Variants in SRPK1 observed in about 807,000 individuals in gnomAD.
SRPK1 encodes the protein SFRS protein kinase 1.
In SRPK1, 52 loss-of-function variants were observed where a neutral mutation model predicts 89.5. That is an observed-to-expected ratio of 0.58 (90% CI 0.46 to 0.73). SRPK1 has a LOEUF of 0.73. Ranked by LOEUF, SRPK1 falls within the 30% of genes least tolerant of loss-of-function variation. The probability of loss-of-function intolerance (pLI) is 0.00; values close to 1 mark genes in which losing one functional copy is unlikely to be tolerated. For missense variants in SRPK1, 603 were observed against 780.6 expected (o/e 0.77, Z 2.71); for synonymous variants, 255 against 270.2 (o/e 0.94, Z 0.55).
At chr6:35,850,637 G>A (rs1769532759) in intron 13 of SRPK1, among the ~76,000 whole-genome samples, 1 of 151,610 alleles carries the variant, frequency 6.6e-6, no homozygotes, top group Non-Finnish European at 1.5e-5. Context: ...AAAGATGTAC[G>A]TAAGAATTGC....
chr6:35,880,735 G>GAAAAAAAAAAAA (rs1238876364), intron 6 of SRPK1, among the ~76,000 whole-genome samples: 46 of 26,946 alleles, frequency 1.7e-3, no homozygotes, highest in Non-Finnish European at 1.9e-3. Flanking sequence ...AAAAAAAAAA[G>GAAAAAAAAAAAA]AAAAAAAAAA....
rs1769159889 is a variant in SRPK1 at position 35,835,499 on chromosome 6, G to C, written c.1784-11C>G. ...TATGTTTCAGGTCACCTGCAGTGAA[G>C]ACAGTACAGAAAAAGCCACTGATCA... is the stretch of plus-strand genomic sequence containing the variant. On this transcript the variant is annotated splice_polypyrimidine_tract_variant and intron_variant, in intron 15 of 15. Transcript: ENST00000373825. 6.2e-7 allele frequency: 1 copy of C among 1,602,970 alleles called. No individual in the cohort carries two copies.
rs374912821 is a variant in SRPK1 at position 35,855,501 on chromosome 6, C to T, written c.1620+1760G>A. Among the ~76,000 whole-genome samples the T allele has an allele frequency of 9.2e-5, 14 of 152,196 alleles. No individual in the cohort carries two copies. In the East Asian group the frequency reaches 1.7e-3, roughly 19 times the overall value. On this transcript the variant is annotated intron_variant, in intron 13 of 15. Transcript: ENST00000373825. ...TTTCTCAAGTTTTTCCCAGAGTTGCCTGTGAATATTAAATGTTACTTGAAA... is the reference window on the plus strand; with the variant it reads ...TTTCTCAAGTTTTTCCCAGAGTTGCTTGTGAATATTAAATGTTACTTGAAA...
In SRPK1 at chr6:35,869,700, A is replaced by T; in HGVS notation, c.1193T>A (p.Leu398Gln). ...GCTGCTGTCTCCATTTTGGGAGCTTAGGAAACTAGATTCCTGATTCAAATT... is the reference window on the plus strand; with the variant it reads ...GCTGCTGTCTCCATTTTGGGAGCTTTGGAAACTAGATTCCTGATTCAAATT... ...VQNLNQESSF[L>Q]SSQNGDSSTS... The change falls in exon 11 of 16, where the codon CTA becomes CAA. Residue 398 changes from leucine (L) to glutamine (Q), a missense_variant. Coordinates refer to ENST00000373825, the MANE Select transcript of SRPK1 (RefSeq NM_003137.5). The T allele has an allele frequency of 6.2e-7, 1 of 1,613,872 alleles. No individual in the cohort carries two copies. Among genetic ancestry groups the T allele is most frequent in the South Asian group, 1.1e-5 (1 of 91,080 alleles).
intron 14 of SRPK1, among the ~76,000 whole-genome samples, chr6:35,841,553 G>A (rs1303203734): frequency 2.0e-5 from 3 of 151,988 alleles, no homozygotes; most frequent in African/African-American, 7.3e-5. Flanking sequence ...CATTTTCTTG[G>A]CTGAGCGTGA....
In SRPK1 at chr6:35,917,152, A is replaced by C. The variant is rs369876319; in HGVS notation, c.74+3316T>G. Among the ~76,000 whole-genome samples the C allele has an allele frequency of 8.3e-4, 127 of 152,316 alleles. 2 individuals are homozygous for C. The South Asian group carries it at 0.017, about 21-fold the overall frequency. On this transcript the variant is annotated intron_variant, in intron 2 of 15. Coordinates refer to ENST00000373825, the MANE Select transcript of SRPK1 (RefSeq NM_003137.5). Reference sequence around the variant, plus strand: ...AATAAAGGCTCACAGCTATTGGTATAAACACTGAAAACAAATGTTCAGAGG... The same window carrying C: ...AATAAAGGCTCACAGCTATTGGTATCAACACTGAAAACAAATGTTCAGAGG...
At chr6:35,888,720 A>G (rs1409630274) in intron 4 of SRPK1, 95 bp downstream of exon 4, 1 of 801,866 alleles carries the variant, frequency 1.2e-6, no homozygotes. Flanking sequence ...GAATCAGGCT[A>G]GAGATAGATT....
Position 35,906,513 on chromosome 6 carries a change from T to C in SRPK1, c.74+13955A>G, listed in dbSNP as rs1770851311. Among the ~76,000 whole-genome samples the C allele has an allele frequency of 3.3e-5, 5 of 152,296 alleles. No individual in the cohort carries two copies. The South Asian group carries it at 8.3e-4, about 25-fold the overall frequency. ...GTGCTGAGATTACAGATGTGAGCCA[T>C]GCACGAATATTAAAAACATTAAGTA... On this transcript the variant is annotated intron_variant, in intron 2 of 15. Transcript: ENST00000373825.
At chr6:35,857,176 G>T in intron 13 of SRPK1, 85 bp downstream of exon 13, 1 of 946,118 alleles carries the variant, frequency 1.1e-6, no homozygotes, top group Non-Finnish European at 1.7e-6. Flanking sequence ...TTTTCTGCTA[G>T]TTAATTTGCT....
At chr6:35,903,540 C>G (rs1445179852) in intron 2 of SRPK1, among the ~76,000 whole-genome samples, 1 of 151,996 alleles carries the variant, frequency 6.6e-6, no homozygotes, top group African/African-American at 2.4e-5. Context: ...AACACTATCC[C>G]CAAAAGGACT....
chr6:35,883,779 G>A (rs952644752), intron 6 of SRPK1, among the ~76,000 whole-genome samples: 3 of 151,748 alleles, frequency 2.0e-5, no homozygotes, highest in African/African-American at 7.3e-5. Context: ...TGTCGCCCAG[G>A]CTGGAGTGCA....
Position 35,839,745 on chromosome 6 carries a change from T to A in SRPK1, c.1691-1316A>T, listed in dbSNP as rs190180121. 7.1e-4 allele frequency among the ~76,000 whole-genome samples: 107 copies of A among 151,710 alleles called. 1 individual carries two copies. The East Asian group carries it at 0.019, about 26-fold the overall frequency. ...GCCAGGCTGGAGTGCAATGGCATGA[T>A]CTCGGCTCACTGCAACCTCCACTTC... On this transcript the variant is annotated intron_variant, in intron 14 of 15. Transcript: ENST00000373825.
chr6:35,889,605 T>A (rs1438500811), intron 3 of SRPK1, among the ~76,000 whole-genome samples: 2 of 150,434 alleles, frequency 1.3e-5, no homozygotes, highest in Non-Finnish European at 3.0e-5. Context: ...GCCAACATGG[T>A]AAAACCCAGT....
intron 2 of SRPK1, among the ~76,000 whole-genome samples, chr6:35,918,280 T>C (rs1379896475): frequency 4.6e-5 from 7 of 152,062 alleles, no homozygotes; most frequent in African/African-American, 1.7e-4. Context: ...GCAGGCGGAT[T>C]ACCTGAGCTC....
chr6:35,870,890 T>C (rs374282641), intron 9 of SRPK1, 44 bp downstream of exon 9: 164 of 1,518,580 alleles, frequency 1.1e-4, no homozygotes, highest in Non-Finnish European at 1.2e-4. Context: ...CCCATGCCCA[T>C]AGTCCATAGA....
rs764091432 is a variant in SRPK1, at chr6:35,886,816, A to G, written c.391-5T>C. 4.5e-6 allele frequency: 7 copies of G among 1,558,120 alleles called. No individual in the cohort carries two copies. Among genetic ancestry groups the G allele is most frequent in the East Asian group, 4.5e-5 (2 of 44,568 alleles). ...ATTAGGGTCTGAATTGCGAACCTGT[A>G]GTGGGGAAGAGACAGTGTTTAGCAC... On this transcript the variant is annotated splice_polypyrimidine_tract_variant and splice_region_variant and intron_variant, in intron 5 of 15. Coordinates refer to ENST00000373825, the MANE Select transcript of SRPK1 (RefSeq NM_003137.5).
intron 2 of SRPK1, chr6:35,905,091 G>A (rs1770823892): frequency 9.2e-6 from 3 of 326,052 alleles, no homozygotes; most frequent in Non-Finnish European, 1.8e-5. Context: ...AGATTGCAGT[G>A]ACCTATGATC....
intron 15 of SRPK1, among the ~76,000 whole-genome samples, chr6:35,837,784 C>T (rs559848246): frequency 6.3e-4 from 95 of 151,820 alleles, no homozygotes; most frequent in African/African-American, 2.2e-3. Context: ...TCTTGAACTC[C>T]TAGACTCAAG....
chr6:35,865,351 T>A (rs944375829), intron 12 of SRPK1, among the ~76,000 whole-genome samples: 6 of 151,926 alleles, frequency 3.9e-5, no homozygotes, highest in Non-Finnish European at 7.4e-5. Flanking sequence ...TTAAAAAAAA[T>A]TTTAAAACAA....
Sources: allele counts gnomAD v4.1 joint callset (sites outside exome capture counted in the v4.1 genomes callset), GRCh38; gene constraint gnomAD v4.1.1; transcripts MANE v1.5; gene names NCBI Gene and HGNC (gene_info 2026-07-23, HGNC 2026-07-21).